Variants in LDAH observed in about 807,000 individuals in gnomAD.
LDAH encodes lipid droplet associated hydrolase.
A neutral mutation model predicts 29.6 loss-of-function variants in LDAH; 26 were observed. The ratio of observed to expected loss-of-function variants is 0.88; its 90% CI spans 0.64 to 1.22. LDAH has a LOEUF of 1.22. Among genes scored for constraint, LDAH ranks in the 50% most tolerant of loss-of-function variants. The pLI, the probability that LDAH is intolerant of heterozygous loss-of-function variation, is 0.00. For missense variants in LDAH, 344 were observed against 387.3 expected (o/e 0.89, Z 0.94); for synonymous variants, 117 against 133.0 (o/e 0.88, Z 0.83).
intron 5 of LDAH, among the ~76,000 whole-genome samples, chr2:20,722,377 CA>C (rs141440507): frequency 0.32 from 22,615 of 70,454 alleles, 2,231 homozygotes; most frequent in African/African-American, 0.54. Context: ...GAAACTGTCT[CA>C]AAAAAAAAAA....
intron 6 of LDAH, among the ~76,000 whole-genome samples, chr2:20,696,582 A>C (rs1180934512): frequency 6.6e-6 from 1 of 152,228 alleles, no homozygotes; most frequent in Non-Finnish European, 1.5e-5. Context: ...GCCTGGGCCA[A>C]ACGTGGTCAT....
chr2:20,750,566 A>G (rs1342089459), intron 4 of LDAH, among the ~76,000 whole-genome samples: 1 of 152,256 alleles, frequency 6.6e-6, no homozygotes, highest in African/African-American at 2.4e-5. Flanking sequence ...TTGTTCAGTA[A>G]GTACAGCTAA....
chr2:20,757,557 G>C (rs1232237375), intron 4 of LDAH, among the ~76,000 whole-genome samples: 1 of 152,166 alleles, frequency 6.6e-6, no homozygotes, highest in Admixed American at 6.5e-5. Flanking sequence ...AGCTGTGATG[G>C]TCAATTTTAC....
At chr2:20,697,975 T>A in intron 6 of LDAH, among the ~76,000 whole-genome samples, 1 of 152,318 alleles carries the variant, frequency 6.6e-6, no homozygotes, top group East Asian at 1.9e-4. Flanking sequence ...TAAAAAAAAA[T>A]TCTGACTGCT....
chr2:20,688,523 GAGA>G (rs1340741312), intron 6 of LDAH, among the ~76,000 whole-genome samples: 49 of 152,292 alleles, frequency 3.2e-4, no homozygotes, highest in Non-Finnish European at 6.0e-4. Context: ...TGGCCACAAC[GAGA>G]AGAAGGATTG....
Position 20,775,355 on chromosome 2 carries a change from A to C in LDAH, c.299-376T>G, listed in dbSNP as rs535146026. On this transcript the variant is annotated intron_variant, in intron 3 of 6. Transcript: ENST00000237822. Reference sequence around the variant, plus strand: ...CAGTGGTTCTCAAACTTGAGCATACATCAGAATCCCCTTAAAGGCTTGTTA... The same window carrying C: ...CAGTGGTTCTCAAACTTGAGCATACCTCAGAATCCCCTTAAAGGCTTGTTA... 7.6e-4 allele frequency among the ~76,000 whole-genome samples: 115 copies of C among 152,290 alleles called. 1 individual carries two copies. The Middle Eastern group carries it at 0.027, about 36-fold the overall frequency.
At chr2:20,736,378 G>A (rs1666786575) in intron 5 of LDAH, among the ~76,000 whole-genome samples, 1 of 152,048 alleles carries the variant, frequency 6.6e-6, no homozygotes, top group African/African-American at 2.4e-5. Context: ...GGAGGCGGAG[G>A]TTGCAGTGAG....
At chr2:20,794,498 ACAAAATTTTAG>A (rs1671184842) in intron 2 of LDAH, among the ~76,000 whole-genome samples, 1 of 152,210 alleles carries the variant, frequency 6.6e-6, no homozygotes, top group Non-Finnish European at 1.5e-5. Flanking sequence ...AAAATTCTAA[ACAAAATTTTAG>A]CAAACTGAGT....
chr2:20,776,236 T>TG (rs1013978451), intron 3 of LDAH, among the ~76,000 whole-genome samples: 4 of 151,964 alleles, frequency 2.6e-5, no homozygotes, highest in Non-Finnish European at 5.9e-5. Flanking sequence ...ATGGTTTTTT[T>TG]TGTGTGTGTG....
intron 4 of LDAH, among the ~76,000 whole-genome samples, chr2:20,753,237 T>C (rs1668087093): frequency 6.6e-6 from 1 of 152,254 alleles, no homozygotes; most frequent in Non-Finnish European, 1.5e-5. Flanking sequence ...TTTCTTATCT[T>C]TTTTAACAAA....
intron 1 of LDAH, among the ~76,000 whole-genome samples, chr2:20,810,161 G>C (rs1323347886): frequency 6.6e-6 from 1 of 152,154 alleles, no homozygotes; most frequent in Non-Finnish European, 1.5e-5. Context: ...TCAAGAACTG[G>C]GTGTGATCTG....
At chr2:20,790,138 T>A (rs1670843955) in intron 3 of LDAH, 117 bp downstream of exon 3, 1 of 1,025,570 alleles carries the variant, frequency 9.8e-7, no homozygotes, top group Admixed American at 2.4e-5. Context: ...TATGGCACCA[T>A]GGGCCTAATG....
chr2:20,775,783 C>T (rs1669776586), intron 3 of LDAH, among the ~76,000 whole-genome samples: 1 of 152,174 alleles, frequency 6.6e-6, no homozygotes, highest in Admixed American at 6.5e-5. Context: ...CTCTTCTGTG[C>T]TTAATCAGTA....
intron 4 of LDAH, among the ~76,000 whole-genome samples, chr2:20,766,072 C>CTT (rs545803356): frequency 2.8e-5 from 4 of 143,730 alleles, no homozygotes; most frequent in East Asian, 2.0e-4. Flanking sequence ...GGTTTTCAAA[C>CTT]TTTTTTTTTT....
intron 3 of LDAH, among the ~76,000 whole-genome samples, chr2:20,779,359 C>T (rs1054348046): frequency 3.3e-5 from 5 of 150,128 alleles, no homozygotes; most frequent in Admixed American, 6.6e-5. Context: ...AGGGGTGGGG[C>T]GGTGAGGGGA....
chr2:20,713,568 C>T (rs1664931786), intron 5 of LDAH, among the ~76,000 whole-genome samples: 1 of 151,994 alleles, frequency 6.6e-6, no homozygotes, highest in Admixed American at 6.6e-5. Flanking sequence ...GACTAAATGC[C>T]CCAATTAAAA....
chr2:20,794,393 A>C (rs1430248230), intron 2 of LDAH, among the ~76,000 whole-genome samples: 2 of 152,172 alleles, frequency 1.3e-5, no homozygotes, highest in Non-Finnish European at 2.9e-5. Flanking sequence ...TCATTCTATG[A>C]GGCCAGCATC....
intron 4 of LDAH, among the ~76,000 whole-genome samples, chr2:20,757,538 T>A (rs1668414598): frequency 6.6e-6 from 1 of 152,182 alleles, no homozygotes; most frequent in Non-Finnish European, 1.5e-5. Context: ...TTAAAAAAAA[T>A]ACTTGCCAAG....
In LDAH at chr2:20,698,675, G is replaced by C. The variant is rs1663686805; in HGVS notation, c.786+2895C>G. 6.6e-6 allele frequency among the ~76,000 whole-genome samples: 1 copy of C among 151,906 alleles called. No individual in the cohort carries two copies. ...AGCCTGGGCGACAGTGCAAGACTCT[G>C]TCTCAAAAAAACAAAAAAAGGAAAA... is the stretch of plus-strand genomic sequence containing the variant. On this transcript the variant is annotated intron_variant, in intron 6 of 6. Coordinates refer to ENST00000237822, the MANE Select transcript of LDAH (RefSeq NM_021925.4). The surrounding 1 kb of genome is among the most constrained non-coding windows in gnomAD (Gnocchi z 4.4).
Sources: allele counts gnomAD v4.1 joint callset (sites outside exome capture counted in the v4.1 genomes callset), GRCh38; gene constraint gnomAD v4.1.1; non-coding constraint Gnocchi (gnomAD v3.1); transcripts MANE v1.5; gene names NCBI Gene and HGNC (gene_info 2026-07-23, HGNC 2026-07-21).